CAGE1: variants seen among roughly 807,000 people sequenced by gnomAD.
CAGE1 encodes the protein cancer antigen 1.
A neutral mutation model predicts 94.9 loss-of-function variants in CAGE1; 66 were observed. The observed-to-expected ratio is 0.70, with a 90% CI of 0.57 to 0.85. The LOEUF (loss-of-function observed/expected upper bound fraction) is 0.85, where lower values mean the gene tolerates loss of function less well. CAGE1 is among the 40% of genes least tolerant of loss of function. The pLI, the probability that CAGE1 is intolerant of heterozygous loss-of-function variation, is 0.00. For synonymous variants in CAGE1, 319 were observed against 321.0 expected (o/e 0.99, Z 0.07); for missense variants, 865 against 950.4 (o/e 0.91, Z 1.18).
Position 7,389,683 on chromosome 6 carries a change from C to T in CAGE1, c.-505G>A. On this transcript the variant is annotated 5_prime_UTR_variant, in exon 1 of 14. The change creates a new upstream start codon in the 5' untranslated region. Coordinates refer to ENST00000502583, the MANE Select transcript of CAGE1 (RefSeq NM_001170692.2). ...GCCTCGCCGTGCCGGCTACTCAACA[C>T]GCCTTCCTGAGAGCACAGAACATCC... The T allele has an allele frequency of 2.2e-6, 1 of 452,966 alleles. No homozygotes were observed. The highest frequency in any genetic ancestry group is 2.6e-5 in the South Asian group (1 of 39,090). 28.1% of individuals were successfully genotyped at this position (452,966 alleles called of 1,614,324 possible).
intron 7 of CAGE1, among the ~76,000 whole-genome samples, chr6:7,368,080 C>T (rs575959861): frequency 1.9e-4 from 29 of 151,808 alleles, no homozygotes; most frequent in Admixed American, 1.4e-3. Context: ...GGTGAAGCCC[C>T]GTCTCTACTA....
chr6:7,336,839 C>T (rs147155512), intron 11 of CAGE1, among the ~76,000 whole-genome samples: 1 of 152,094 alleles, frequency 6.6e-6, no homozygotes, highest in Non-Finnish European at 1.5e-5. Context: ...TGCTTATTTG[C>T]CATCCATATA....
intron 11 of CAGE1, among the ~76,000 whole-genome samples, chr6:7,346,788 T>A (rs1411629519): frequency 6.7e-6 from 1 of 148,538 alleles, no homozygotes; most frequent in Non-Finnish European, 1.5e-5. Flanking sequence ...AGGCAGACAC[T>A]GTGCTACTGA....
intron 3 of CAGE1, among the ~76,000 whole-genome samples, chr6:7,379,224 A>C (rs899964783): frequency 6.6e-6 from 1 of 152,240 alleles, no homozygotes; most frequent in African/African-American, 2.4e-5. Flanking sequence ...GAAGTCCCCA[A>C]ATGACTGCTA....
chr6:7,357,350 TAGGCTCTTTTCATC>T (rs1417044438), intron 9 of CAGE1, among the ~76,000 whole-genome samples: 28 of 152,222 alleles, frequency 1.8e-4, no homozygotes, highest in Non-Finnish European at 2.9e-4. Flanking sequence ...TAGAAAATGT[TAGGCTCTTTTCATC>T]CCATCTCCTC....
rs1307635254 is a variant in CAGE1, at chr6:7,387,210, ATG to A, written c.-23-16_-23-15del. On this transcript the variant is annotated splice_polypyrimidine_tract_variant and intron_variant, in intron 1 of 13. Transcript: ENST00000502583. ...AATAGAAGACTTCTTTAAAAAAAAAATGTGTCTATTAGTAGGTATAAACAAAA... is the reference window on the plus strand; with the variant it reads ...AATAGAAGACTTCTTTAAAAAAAAAATGTCTATTAGTAGGTATAAACAAAA... 2.2e-5 allele frequency: 32 copies of A among 1,484,638 alleles called. No individual in the cohort carries two copies. The Admixed American group carries it at 4.7e-4, about 22-fold the overall frequency. The allele number at this position is 1,484,638 out of a possible 1,614,324, so 92.0% of individuals were successfully genotyped here.
At chr6:7,352,290 C>CAAAAAAAAAAAACAAAAAAA (rs1759798360) in intron 11 of CAGE1, among the ~76,000 whole-genome samples, 1 of 43,652 alleles carries the variant, frequency 2.3e-5, no homozygotes, top group Non-Finnish European at 5.8e-5. Flanking sequence ...ACAATAGCTG[C>CAAAAAAAAAAAACAAAAAAA]AAAAAAAAAA....
chr6:7,378,793 C>G lies in CAGE1; in HGVS notation c.511G>C (p.Val171Leu). ...CCAAGTTGGTCTGTATTTGCAGAAA[C>G]ACTAGTTTCCATTGGATTTTCTTCC... ...FKEENPMETS[V>L]SANTDQLGNE... is the part of the protein sequence containing the mutation. Residue 171 changes from valine (V) to leucine (L), a missense_variant, in exon 4 of 14, where the codon GTT becomes CTT. Physicochemically the swap from Val to Leu is conservative, Grantham distance 32 (BLOSUM62 1). Transcript: ENST00000502583. 1 of 1,613,818 alleles carries G rather than the reference C, an allele frequency of 6.2e-7. No individual in the cohort carries two copies. Among genetic ancestry groups the G allele is most frequent in the Non-Finnish European group, 8.5e-7 (1 of 1,179,830 alleles).
chr6:7,364,587 G>A (rs1233335543), intron 9 of CAGE1, among the ~76,000 whole-genome samples: 1 of 152,090 alleles, frequency 6.6e-6, no homozygotes, highest in East Asian at 1.9e-4. Flanking sequence ...TCCTGCCTCA[G>A]CCTCCCAAGT....
intron 11 of CAGE1, 60 bp downstream of exon 11, chr6:7,354,981 T>A: frequency 1.6e-6 from 2 of 1,213,068 alleles, no homozygotes; most frequent in South Asian, 1.3e-5. Flanking sequence ...GAATTTAGAA[T>A]CCAGAGAATA....
At chr6:7,352,129 A>C (rs1759790302) in intron 11 of CAGE1, among the ~76,000 whole-genome samples, 1 of 152,054 alleles carries the variant, frequency 6.6e-6, no homozygotes, top group Non-Finnish European at 1.5e-5. Flanking sequence ...TTTATCTTGA[A>C]AACCCTAATG....
intron 11 of CAGE1, among the ~76,000 whole-genome samples, chr6:7,338,594 A>AG (rs985809718): frequency 6.6e-6 from 1 of 152,142 alleles, no homozygotes; most frequent in African/African-American, 2.4e-5. Context: ...TTGCTATATA[A>AG]GGTAACATTC....
intron 7 of CAGE1, among the ~76,000 whole-genome samples, chr6:7,367,026 T>C (rs1039855123): frequency 3.9e-5 from 6 of 152,202 alleles, no homozygotes; most frequent in African/African-American, 1.4e-4. Context: ...AAAATATTTT[T>C]TATTCTTTAT....
At chr6:7,328,891 T>C (rs1395249081) in intron 13 of CAGE1, among the ~76,000 whole-genome samples, 1 of 90,354 alleles carries the variant, frequency 1.1e-5, no homozygotes, top group African/African-American at 4.4e-5. Flanking sequence ...TGTGTGTGTG[T>C]GTGTGTGTGT....
chr6:7,389,490 G>C lies in CAGE1; in HGVS notation c.-312C>G, dbSNP rs1761261109. On this transcript the variant is annotated 5_prime_UTR_variant, in exon 1 of 14. Transcript: ENST00000502583. ...CCGCAGAGACAGGTGCAGCCCGCGA[G>C]GCCCGAGCGACCCTACTGTGGGTGC... 2.7e-6 allele frequency: 1 copy of C among 373,810 alleles called. No individual in the cohort carries two copies. Among genetic ancestry groups the C allele is most frequent in the African/African-American group, 2.1e-5 (1 of 47,254 alleles). The allele number at this position is 373,810 out of a possible 1,614,324, so 23.2% of individuals were successfully genotyped here. A position where few individuals can be genotyped will look rare whatever the true frequency, so the allele number is the denominator to read the frequency against.
intron 11 of CAGE1, 87 bp downstream of exon 11, chr6:7,354,954 T>A: frequency 2.1e-6 from 2 of 960,994 alleles, no homozygotes; most frequent in Non-Finnish European, 3.2e-6. Flanking sequence ...TTCTTCTTTC[T>A]AGGAGTCTGA....
At chr6:7,370,622 AC>A (rs1221382606) in intron 5 of CAGE1, among the ~76,000 whole-genome samples, 21 of 136,034 alleles carry the variant, frequency 1.5e-4, no homozygotes, top group African/African-American at 5.6e-4. Context: ...AAAAACAATT[AC>A]CACATTTTTT....
rs781485887 is a variant in CAGE1, at chr6:7,373,619, C to T, written c.1200G>A (p.Arg400=). 7.4e-6 allele frequency: 12 copies of T among 1,613,402 alleles called. No homozygotes were observed. Among genetic ancestry groups the T allele is most frequent in the Non-Finnish European group, 1.0e-5 (12 of 1,179,782 alleles). ...GAAGCTGTAACATTTCCTTGTCATT[C>T]CTGGATTCCTGAAGATGTTTTTGCG... ...ANTQKHLQES[R]NDKEMLQLQF... The change falls in exon 5 of 14, where the codon AGG becomes AGA. Residue 400 remains arginine (R), a synonymous_variant. Transcript: ENST00000502583.
At chr6:7,372,344 G>C (rs1022428116) in intron 5 of CAGE1, among the ~76,000 whole-genome samples, 1 of 151,884 alleles carries the variant, frequency 6.6e-6, no homozygotes, top group African/African-American at 2.4e-5. Context: ...GGTGGCGCAC[G>C]CCTGTAATCC....
Sources: allele counts gnomAD v4.1 joint callset (sites outside exome capture counted in the v4.1 genomes callset), GRCh38; gene constraint gnomAD v4.1.1; transcripts MANE v1.5; gene names NCBI Gene and HGNC (gene_info 2026-07-23, HGNC 2026-07-21).